Variants in RNF145 observed in about 807,000 individuals in gnomAD.
RNF145 encodes ring finger protein 145.
A neutral mutation model predicts 57.3 loss-of-function variants in RNF145; 12 were observed. The ratio of observed to expected loss-of-function variants is 0.21; its 90% confidence interval spans 0.13 to 0.34. The LOEUF (loss-of-function observed/expected upper bound fraction) is 0.34, where lower values mean the gene tolerates loss of function less well. Ranked by LOEUF, RNF145 falls within the 10% of genes least tolerant of loss-of-function variation. The pLI is 1.00. For synonymous variants in RNF145, 262 were observed against 288.3 expected (o/e 0.91, Z 0.92); for missense variants, 429 against 799.0 (o/e 0.54, Z 5.58).
rs1260867135 is a variant in RNF145, at chr5:159,164,505, CAAT to C, written c.1122-1429_1122-1427del. 1.1e-4 allele frequency among the ~76,000 whole-genome samples: 16 copies of C among 152,136 alleles called. 1 individual carries two copies. Among genetic ancestry groups the C allele is most frequent in the Admixed American group, 5.2e-4 (8 of 15,296 alleles). On this transcript the variant is annotated intron_variant, in intron 8 of 10. Transcript: ENST00000424310. ...CACACACACAGAAATGTATATACAACAATGTTATGTCAAGAGTTTTACATTTAT... is the reference window on the plus strand; with the variant it reads ...CACACACACAGAAATGTATATACAACGTTATGTCAAGAGTTTTACATTTAT...
intron 1 of RNF145, chr5:159,207,374 CAAAGAAA>C: frequency 1.4e-6 from 1 of 736,080 alleles, no homozygotes; most frequent in Non-Finnish European, 2.1e-6. Context: ...TTTAAAAAGA[CAAAGAAA>C]AAACAAGAAT....
chr5:159,192,064 A>AC (rs200608494), intron 3 of RNF145, among the ~76,000 whole-genome samples: 8 of 151,908 alleles, frequency 5.3e-5, no homozygotes, highest in South Asian at 2.1e-4. Context: ...AAAAAAAAAA[A>AC]CTGCAATTGG....
chr5:159,170,944 T>C (rs1784529941), intron 6 of RNF145, among the ~76,000 whole-genome samples: 1 of 152,240 alleles, frequency 6.6e-6, no homozygotes, highest in South Asian at 2.1e-4. Context: ...ATTTCACTGA[T>C]ATAGATGAGG....
At chr5:159,189,755 T>C (rs1263612603) in intron 3 of RNF145, among the ~76,000 whole-genome samples, 1 of 152,180 alleles carries the variant, frequency 6.6e-6, no homozygotes, top group Non-Finnish European at 1.5e-5. Context: ...CAATGGAATA[T>C]GGACAGAAAA....
chr5:159,162,337 TATC>T (rs1452263675), intron 9 of RNF145, among the ~76,000 whole-genome samples: 1 of 152,114 alleles, frequency 6.6e-6, no homozygotes, highest in African/African-American at 2.4e-5. Context: ...GACACCTCTG[TATC>T]ATACCATTTT....
intron 6 of RNF145, among the ~76,000 whole-genome samples, chr5:159,171,251 A>G (rs957581865): frequency 6.6e-6 from 1 of 152,226 alleles, no homozygotes; most frequent in African/African-American, 2.4e-5. Flanking sequence ...ACAATTTTAA[A>G]CAAATTGTGT....
chr5:159,165,128 TCTA>T (rs1162249733), intron 8 of RNF145, among the ~76,000 whole-genome samples: 38 of 152,346 alleles, frequency 2.5e-4, no homozygotes, highest in African/African-American at 6.3e-4. Flanking sequence ...TAGTCAGTAA[TCTA>T]ATTAACTATT....
chr5:159,177,417 G>A (rs962033237), intron 4 of RNF145, among the ~76,000 whole-genome samples: 2 of 151,952 alleles, frequency 1.3e-5, no homozygotes, highest in Non-Finnish European at 2.9e-5. Context: ...TCTCACTGGG[G>A]ATTACGCATG....
intron 1 of RNF145, among the ~76,000 whole-genome samples, chr5:159,204,827 A>AAAAAAAAAAAAAAAAG (rs147292059): frequency 9.5e-6 from 1 of 105,668 alleles, no homozygotes. Context: ...AAAAAAAAAA[A>AAAAAAAAAAAAAAAAG]GCAAACAAAA....
At chr5:159,178,019 C>A (rs1345170113) in intron 4 of RNF145, among the ~76,000 whole-genome samples, 2 of 151,866 alleles carry the variant, frequency 1.3e-5, no homozygotes, top group Non-Finnish European at 2.9e-5. Flanking sequence ...TAATATGTCC[C>A]TTGTCTTAAT....
chr5:159,209,382 C>G lies in RNF145; in HGVS notation c.-191G>C, dbSNP rs1265466758. 2.5e-5 allele frequency: 25 copies of G among 985,922 alleles called. No individual in the cohort carries two copies. Among genetic ancestry groups the G allele is most frequent in the Admixed American group, 6.2e-5 (1 of 16,240 alleles). 61.1% of individuals were successfully genotyped at this position (985,922 alleles called of 1,614,324 possible). A position where few individuals can be genotyped will look rare whatever the true frequency, so the allele number is the denominator to read the frequency against. On this transcript the variant is annotated 5_prime_UTR_variant, in exon 1 of 11. Transcript: ENST00000424310. ...CAGCGGCGGCTCTTCTGCGCCGAGC[C>G]TCGGATGTTGCTTCTGGGGAGGCGG... is the stretch of plus-strand genomic sequence containing the variant.
chr5:159,175,257 G>A (rs573840911), intron 5 of RNF145, among the ~76,000 whole-genome samples: 5 of 152,154 alleles, frequency 3.3e-5, no homozygotes, highest in Non-Finnish European at 5.9e-5. Context: ...TCATCATTAC[G>A]AGGCAGAGAA....
chr5:159,201,222 T>C (rs1384209358), intron 2 of RNF145, among the ~76,000 whole-genome samples: 2 of 152,088 alleles, frequency 1.3e-5, no homozygotes, highest in Admixed American at 6.6e-5. Flanking sequence ...TTCCACAGGG[T>C]CACTTGAGGG....
intron 1 of RNF145, among the ~76,000 whole-genome samples, chr5:159,204,791 T>G: frequency 9.1e-6 from 1 of 110,484 alleles, no homozygotes; most frequent in Non-Finnish European, 1.6e-5. Flanking sequence ...GCAACTGAGC[T>G]AGACTCCGTC....
intron 8 of RNF145, among the ~76,000 whole-genome samples, chr5:159,165,254 G>A (rs979173985): frequency 1.7e-4 from 26 of 152,060 alleles, no homozygotes; most frequent in Non-Finnish European, 2.8e-4. Context: ...CCATGTTCTC[G>A]CCCCTCTGCC....
intron 10 of RNF145, among the ~76,000 whole-genome samples, chr5:159,159,619 CAT>C (rs1355268061): frequency 3.3e-5 from 5 of 152,164 alleles, no homozygotes; most frequent in African/African-American, 1.2e-4. Flanking sequence ...CTTGTTAACA[CAT>C]AGTCTTGGGC....
chr5:159,209,701 G>T (rs1343248100), upstream of RNF145: 2 of 1,022,522 alleles, frequency 2.0e-6, no homozygotes, highest in Non-Finnish European at 2.8e-6. Context: ...GGAGACATAA[G>T]CCTAGCCAAG....
chr5:159,167,371 T>C (rs901841942), intron 8 of RNF145, among the ~76,000 whole-genome samples: 1 of 152,190 alleles, frequency 6.6e-6, no homozygotes, highest in African/African-American at 2.4e-5. Context: ...CTTCTCAGTT[T>C]GCTCCTTTTT....
rs895297510 is a variant in RNF145 at position 159,158,497 on chromosome 5, G to A, written c.*173C>T. 24 of 740,286 alleles carry A rather than the reference G, an allele frequency of 3.2e-5. No individual in the cohort carries two copies. Among genetic ancestry groups the A allele is most frequent in the Non-Finnish European group, 6.5e-6 (3 of 460,228 alleles). 45.9% of individuals were successfully genotyped at this position (740,286 alleles called of 1,614,324 possible). Reference sequence around the variant, plus strand: ...TACATTGCAAAATTTCTCCCACAATGTCAGGGGATGAAAGCAGGTGGTCCC... The same window carrying A: ...TACATTGCAAAATTTCTCCCACAATATCAGGGGATGAAAGCAGGTGGTCCC... On this transcript the variant is annotated 3_prime_UTR_variant, in exon 11 of 11. Transcript: ENST00000424310.
Sources: gnomAD v4.1 joint callset for allele counts (sites outside exome capture counted in the v4.1 genomes callset) on GRCh38, gnomAD v4.1.1 for gene constraint, MANE v1.5 for transcripts, NCBI Gene and HGNC (gene_info 2026-07-23, HGNC 2026-07-21) for gene names.